Variants in UBE2D3 observed in about 807,000 individuals in gnomAD.
UBE2D3 encodes ubiquitin-conjugating enzyme E2 D3.
Under a neutral mutation model 22.8 loss-of-function variants are expected in UBE2D3, and 2 were observed. That is an observed-to-expected ratio of 0.09 (90% confidence interval 0.04 to 0.28). The LOEUF (loss-of-function observed/expected upper bound fraction) is 0.28. UBE2D3 is among the 10% of genes least tolerant of loss of function. The pLI, the probability that UBE2D3 is intolerant of heterozygous loss-of-function variation, is 1.00. For missense variants in UBE2D3, 27 were observed against 182.5 expected (o/e 0.15, Z 4.91); for synonymous variants, 56 against 60.4 (o/e 0.93, Z 0.34).
intron 1 of UBE2D3, among the ~76,000 whole-genome samples, chr4:102,832,933 G>GGTTGCAGTGAGCCAT (rs1731188314): frequency 6.6e-6 from 1 of 151,586 alleles, no homozygotes. Context: ...AGAAGGTCAA[G>GGTTGCAGTGAGCCAT]GTTGCAGTGA....
At chr4:102,805,431 C>T (rs761537450) in intron 4 of UBE2D3, among the ~76,000 whole-genome samples, 1 of 151,756 alleles carries the variant, frequency 6.6e-6, no homozygotes, top group Non-Finnish European at 1.5e-5. Context: ...CTTTTGCTCT[C>T]ATCAGTGCAA....
At chr4:102,825,203 A>C in intron 2 of UBE2D3, 2 of 977,842 alleles carry the variant, frequency 2.0e-6, no homozygotes, top group Non-Finnish European at 1.2e-6. Flanking sequence ...CTTTTTAAAA[A>C]AGTAATCTAT....
At chr4:102,798,858 C>T in intron 7 of UBE2D3, 1 of 1,435,486 alleles carries the variant, frequency 7.0e-7, no homozygotes, top group Admixed American at 1.7e-5. Flanking sequence ...AATACAGTGC[C>T]TTAACGCATG....
intron 1 of UBE2D3, among the ~76,000 whole-genome samples, chr4:102,855,790 A>G (rs1732590436): frequency 6.6e-6 from 1 of 152,230 alleles, no homozygotes; most frequent in African/African-American, 2.4e-5. Flanking sequence ...TCAACAAGAT[A>G]GGTAAATAAT....
intron 1 of UBE2D3, among the ~76,000 whole-genome samples, chr4:102,861,656 A>G (rs147864202): frequency 1.0e-3 from 156 of 152,126 alleles, no homozygotes; most frequent in African/African-American, 3.3e-3. Context: ...ATATTTATAG[A>G]TTACAGTAAC....
chr4:102,835,782 A>G (rs1731360419), intron 1 of UBE2D3, among the ~76,000 whole-genome samples: 1 of 151,838 alleles, frequency 6.6e-6, no homozygotes, highest in Non-Finnish European at 1.5e-5. Flanking sequence ...GCTAACATAT[A>G]TATATACCCA....
At chr4:102,824,853 C>T (rs933202287) in intron 2 of UBE2D3, among the ~76,000 whole-genome samples, 1 of 152,210 alleles carries the variant, frequency 6.6e-6, no homozygotes, top group Non-Finnish European at 1.5e-5. Flanking sequence ...TAGGCTTCTC[C>T]AATATGTTCC....
intron 2 of UBE2D3, among the ~76,000 whole-genome samples, chr4:102,814,967 A>T (rs1271486342): frequency 1.3e-5 from 2 of 152,136 alleles, no homozygotes; most frequent in Non-Finnish European, 2.9e-5. Context: ...ACATTTATTT[A>T]CTCATAATTA....
intron 4 of UBE2D3, among the ~76,000 whole-genome samples, chr4:102,807,965 C>T (rs1047317619): frequency 2.6e-5 from 4 of 152,178 alleles, no homozygotes; most frequent in Non-Finnish European, 4.4e-5. Context: ...TAATTACCAA[C>T]GCTTCTGTGC....
upstream of UBE2D3, chr4:102,828,272 CT>C (rs749846257): frequency 3.0e-6 from 3 of 985,176 alleles, no homozygotes; most frequent in African/African-American, 1.7e-5. Context: ...TACCAGATAC[CT>C]TTAGTCTAGC....
At chr4:102,814,656 T>A (rs889715215) in intron 2 of UBE2D3, among the ~76,000 whole-genome samples, 3 of 152,060 alleles carry the variant, frequency 2.0e-5, no homozygotes, top group Non-Finnish European at 1.5e-5. Context: ...GGTTCTCTTC[T>A]CATCTCTGAA....
intron 4 of UBE2D3, among the ~76,000 whole-genome samples, chr4:102,803,189 G>A (rs1726474603): frequency 6.6e-6 from 1 of 152,140 alleles, no homozygotes; most frequent in African/African-American, 2.4e-5. Context: ...AGAAAAATGA[G>A]GCTTAAAGAA....
At chr4:102,820,294 G>A (rs1375417788) in intron 2 of UBE2D3, among the ~76,000 whole-genome samples, 1 of 152,120 alleles carries the variant, frequency 6.6e-6, no homozygotes, top group Non-Finnish European at 1.5e-5. Flanking sequence ...TCAAGGCAGG[G>A]AACAACAAAC....
At chr4:102,826,375 G>C (rs547423355) in intron 2 of UBE2D3, 110 bp downstream of exon 2, 72 of 1,355,336 alleles carry the variant, frequency 5.3e-5, no homozygotes, top group Non-Finnish European at 7.3e-5. Context: ...TGGAAGAAGT[G>C]ATCCAAGAGG....
At position 102,794,652 on chromosome 4, in the gene UBE2D3, CAACAAACAAAAAAA is replaced by C. The variant is rs1459589011; in HGVS notation, c.*2749_*2762del. 6.7e-6 allele frequency: 1 copy of C among 149,070 alleles called. No individual in the cohort carries two copies. Among genetic ancestry groups the C allele is most frequent in the East Asian group, 2.0e-4 (1 of 5,066 alleles). The allele number at this position is 149,070 out of a possible 1,614,324, so 9.2% of individuals were successfully genotyped here. A position where few individuals can be genotyped will look rare whatever the true frequency, so the allele number is the denominator to read the frequency against. ...TAAGTATACTTCAACTAAGCCATTT[CAACAAACAAAAAAA>C]AACAAACAAAAAAAAAAGTGAGTGT... On this transcript the variant is annotated 3_prime_UTR_variant, in exon 8 of 8. Transcript: ENST00000453744.
At chr4:102,850,345 TG>T (rs796871162) in intron 1 of UBE2D3, among the ~76,000 whole-genome samples, 85,687 of 151,878 alleles carry the variant, frequency 0.56, 25,219 homozygotes, top group African/African-American at 0.75. Context: ...TTTGCATATA[TG>T]CTATATTTCA....
At chr4:102,853,135 A>ATCTCT (rs386626793) in intron 1 of UBE2D3, among the ~76,000 whole-genome samples, 1 of 88,598 alleles carries the variant, frequency 1.1e-5, no homozygotes, top group Non-Finnish European at 2.1e-5. Context: ...AAACACACAC[A>ATCTCT]TTTTTTTTTT....
intron 2 of UBE2D3, among the ~76,000 whole-genome samples, chr4:102,818,665 A>C (rs77594033): frequency 0.082 from 12,449 of 152,266 alleles, 653 homozygotes; most frequent in Non-Finnish European, 0.11. Context: ...AATCTCTCTA[A>C]AAGGCAACCA....
chr4:102,826,969 G>A (rs970938718), intron 1 of UBE2D3: 15 of 1,000,052 alleles, frequency 1.5e-5, no homozygotes, highest in African/African-American at 5.2e-5. Flanking sequence ...GGCGTCACTA[G>A]GGCAAAGAAA....
Sources: allele counts gnomAD v4.1 joint callset (sites outside exome capture counted in the v4.1 genomes callset), GRCh38; gene constraint gnomAD v4.1.1; transcripts MANE v1.5; gene names NCBI Gene and HGNC (gene_info 2026-07-23, HGNC 2026-07-21).